DNAH12: variants seen among roughly 807,000 people sequenced by gnomAD.
The protein encoded by DNAH12 is axonemal beta dynein heavy chain 12.
In DNAH12, 285 loss-of-function variants were observed where a neutral mutation model predicts 371.5. That is an observed-to-expected ratio of 0.77 (90% CI 0.70 to 0.85). The LOEUF (loss-of-function observed/expected upper bound fraction) is 0.85, where lower values mean the gene tolerates loss of function less well. Among genes scored for constraint, DNAH12 ranks in the 40% least tolerant of loss-of-function variants. DNAH12 has a pLI of 0.00. For synonymous variants in DNAH12, 1,200 were observed against 1,213.0 expected, an observed-to-expected ratio of 0.99 and a Z score of 0.22; for missense variants, 3,611 against 3,689.4, an observed-to-expected ratio of 0.98 and a Z score of 0.55.
At chr3:57,555,740 C>A in the DNAH12 span, among the ~76,000 whole-genome samples, 1 of 152,214 alleles carries the variant, frequency 6.6e-6, no homozygotes, top group Non-Finnish European at 1.5e-5. Flanking sequence ...GCTCACTAAA[C>A]GGAGTTATTG....
rs2066397161 is a variant in DNAH12 at position 57,472,568 on chromosome 3, G to A, written c.1754C>T (p.Pro585Leu). 2.6e-6 allele frequency: 4 copies of A among 1,548,844 alleles called. No homozygotes were observed. The African/African-American group carries it at 4.1e-5, about 16-fold the overall frequency. The change falls in exon 14 of 74, where the codon CCC becomes CTC. Residue 585 changes from proline (P) to leucine (L), a missense_variant. Coordinates refer to ENST00000495027, the MANE Select transcript of DNAH12 (RefSeq NM_001366028.2). ...TACCTCATCATTTTCATCAAAGATG[G>A]GATTAATTTTCCTAGGCCACATGAG... ...TVLMWPRKIN[P>L]IFDENDELIE...
Position 57,408,451 on chromosome 3 carries a change from A to G in DNAH12, c.6105T>C (p.Asn2035=), listed in dbSNP as rs1157110754. Reference sequence around the variant, plus strand: ...GTCGAATACAACGGGGAGTAACTGGATTTCTTCCACCACCTGGAGGGCCCA... The same window carrying G: ...GTCGAATACAACGGGGAGTAACTGGGTTTCTTCCACCACCTGGAGGGCCCA... ...AAMGPPGGGR[N]PVTPRCIRHF... is the part of the protein sequence containing the mutation. The change falls in exon 40 of 74, where the codon AAT becomes AAC. Residue 2035 remains asparagine (N), a synonymous_variant. Transcript: ENST00000495027. The G allele has an allele frequency of 2.6e-6, 4 of 1,551,354 alleles. No individual in the cohort carries two copies. The African/African-American group carries it at 5.5e-5, about 21-fold the overall frequency.
chr3:57,415,614 T>C (rs891216491), intron 37 of DNAH12, 50 bp from the exon 38 acceptor site: 24 of 1,487,324 alleles, frequency 1.6e-5, no homozygotes, highest in Non-Finnish European at 2.1e-5. Context: ...AAAGTCAGAA[T>C]ACATTTCTAC....
At chr3:57,407,570 G>A (rs1207745097) in intron 40 of DNAH12, among the ~76,000 whole-genome samples, 1 of 152,132 alleles carries the variant, frequency 6.6e-6, no homozygotes, top group Non-Finnish European at 1.5e-5. Context: ...GCTTCCTGTT[G>A]CAGTGATCAC....
chr3:57,466,726 AG>A (rs1400720801), intron 17 of DNAH12, among the ~76,000 whole-genome samples: 1 of 152,102 alleles, frequency 6.6e-6, no homozygotes, highest in Non-Finnish European at 1.5e-5. Context: ...GTATAGGCTA[AG>A]TGGTCTGACC....
chr3:57,461,754 T>G, intron 18 of DNAH12, 65 bp from the exon 19 acceptor site: 1 of 1,297,876 alleles, frequency 7.7e-7, no homozygotes, highest in East Asian at 2.5e-5. Context: ...TATATTGACT[T>G]TCCCTAGTGA....
At chr3:57,534,927 C>T (rs2068977851) in intron 2 of DNAH12, among the ~76,000 whole-genome samples, 1 of 152,106 alleles carries the variant, frequency 6.6e-6, no homozygotes, top group Admixed American at 6.6e-5. Flanking sequence ...TTATCTGGTT[C>T]CTTTAATTAT....
chr3:57,448,551 T>TG (rs1241509982), intron 25 of DNAH12, among the ~76,000 whole-genome samples: 1 of 152,140 alleles, frequency 6.6e-6, no homozygotes, highest in East Asian at 1.9e-4. Flanking sequence ...GAGTGAGCAG[T>TG]AGCAAGATTT....
In DNAH12 at chr3:57,310,777, G is replaced by A. The variant is rs370688193; in HGVS notation, c.10836C>T (p.Pro3612=). ...TAGGAGGTGCAAAATAGTTTCCACT[G>A]GGAGAAAACTTATAATGAGGGTTTT... is the stretch of plus-strand genomic sequence containing the variant. ...IVENPHYKFS[P]SGNYFAPPKG... The change falls in exon 67 of 74, where the codon CCC becomes CCT. Residue 3612 remains proline (P), a synonymous_variant. Transcript: ENST00000495027. 1,250 of 1,551,576 alleles carry A rather than the reference G, an allele frequency of 8.1e-4. No individual in the cohort carries two copies. The highest frequency in any genetic ancestry group is 1.0e-3 in the Non-Finnish European group (1,192 of 1,146,934).
intron 67 of DNAH12, among the ~76,000 whole-genome samples, chr3:57,310,218 T>G (rs146588274): frequency 2.7e-4 from 41 of 152,286 alleles, no homozygotes; most frequent in Admixed American, 2.0e-3. Flanking sequence ...TTTCCCACAA[T>G]GTATTGCCCC....
chr3:57,500,978 A>G (rs1205028132), intron 11 of DNAH12, among the ~76,000 whole-genome samples: 1 of 152,142 alleles, frequency 6.6e-6, no homozygotes, highest in Non-Finnish European at 1.5e-5. Context: ...ACACGGTCTC[A>G]CTATGTTGCC....
intron 55 of DNAH12, among the ~76,000 whole-genome samples, chr3:57,371,401 T>C (rs1265228213): frequency 6.6e-6 from 1 of 152,160 alleles, no homozygotes; most frequent in African/African-American, 2.4e-5. Flanking sequence ...TAATGGTAAA[T>C]TACTTTAAAA....
At chr3:57,340,362 A>G (rs1466956709) in intron 60 of DNAH12, among the ~76,000 whole-genome samples, 1 of 152,136 alleles carries the variant, frequency 6.6e-6, no homozygotes, top group Non-Finnish European at 1.5e-5. Flanking sequence ...GAAAAGATCA[A>G]TGAAACAAAA....
At chr3:57,399,355 A>G (rs962363864) in intron 43 of DNAH12, among the ~76,000 whole-genome samples, 1 of 152,170 alleles carries the variant, frequency 6.6e-6, no homozygotes, top group Admixed American at 6.5e-5. Context: ...TTAATGGATT[A>G]AATTCCTCAA....
chr3:57,448,709 A>T (rs2065631687), intron 25 of DNAH12, among the ~76,000 whole-genome samples: 1 of 151,976 alleles, frequency 6.6e-6, no homozygotes, highest in Non-Finnish European at 1.5e-5. Context: ...CTGTTTTAAC[A>T]GGGTGCTGAT....
At chr3:57,459,245 C>G (rs573737024) in intron 20 of DNAH12, among the ~76,000 whole-genome samples, 1 of 152,128 alleles carries the variant, frequency 6.6e-6, no homozygotes, top group Admixed American at 6.5e-5. Flanking sequence ...TATTCATTCT[C>G]TCTCCCTCTC....
At chr3:57,337,434 C>CA (rs2062252837) in intron 60 of DNAH12, among the ~76,000 whole-genome samples, 1 of 152,132 alleles carries the variant, frequency 6.6e-6, no homozygotes, top group African/African-American at 2.4e-5. Context: ...CCAAGGAGGG[C>CA]AGATCACCTG....
intron 69 of DNAH12, among the ~76,000 whole-genome samples, chr3:57,302,567 A>ATATATATATATATTTTTTTT (rs2061380979): frequency 1.1e-4 from 3 of 27,484 alleles, no homozygotes; most frequent in African/African-American, 1.3e-4. Flanking sequence ...ATATATATGT[A>ATATATATATATATTTTTTTT]TTTTTTTTTT....
intron 57 of DNAH12, among the ~76,000 whole-genome samples, chr3:57,365,176 C>CT (rs1467615103): frequency 6.6e-6 from 1 of 152,248 alleles, no homozygotes; most frequent in East Asian, 1.9e-4. Flanking sequence ...CACTGCAGCA[C>CT]TATTCACAAT....
Sources: allele counts gnomAD v4.1 joint callset (sites outside exome capture counted in the v4.1 genomes callset), GRCh38; gene constraint gnomAD v4.1.1; transcripts MANE v1.5; gene names NCBI Gene and HGNC (gene_info 2026-07-23, HGNC 2026-07-21).